The following MAP4 variants were observed in gnomAD, a reference collection of about 807,000 sequenced individuals.
The protein encoded by MAP4 is microtubule-associated protein 4.
In MAP4, 76 loss-of-function variants were observed where a neutral mutation model predicts 170.2. The ratio of observed to expected loss-of-function variants is 0.45; its 90% CI spans 0.37 to 0.54. The LOEUF is 0.54. Ranked by LOEUF, MAP4 falls within the 20% of genes least tolerant of loss-of-function variation. The pLI is 0.00. For synonymous variants in MAP4, 909 were observed against 994.5 expected, an observed-to-expected ratio of 0.91 and a Z score of 1.62; for missense variants, 2,506 against 2,748.0, an observed-to-expected ratio of 0.91 and a Z score of 1.97.
rs377631404 is a variant in MAP4, at chr3:47,998,642, A to C, written c.219T>G (p.Ile73Met). The C allele has an allele frequency of 2.4e-5, 39 of 1,612,844 alleles. No homozygotes were observed. Among genetic ancestry groups the C allele is most frequent in the Non-Finnish European group, 2.2e-5 (26 of 1,179,024 alleles). ...CAGTCTGGTTTAAATACTTACCTTC[A>C]ATCTGGCTAGTTTCTGAGCACGGTT... ...KKKPCSETSQ[I>M]EDTPSSKPTL... Residue 73 changes from isoleucine (I) to methionine (M), a missense_variant, in exon 2 of 21, where the codon ATT (isoleucine) becomes ATG (methionine). By Grantham distance (10) the Ile-to-Met change is conservative (BLOSUM62 1). Transcript: ENST00000683076.
chr3:48,004,063 T>C (rs1472696093), intron 1 of MAP4, among the ~76,000 whole-genome samples: 1 of 152,158 alleles, frequency 6.6e-6, no homozygotes, highest in Non-Finnish European at 1.5e-5. Flanking sequence ...CTTACTAAAT[T>C]CCTCTTTTTA....
chr3:47,967,647 T>C (rs1366331638), intron 3 of MAP4, among the ~76,000 whole-genome samples: 2 of 151,676 alleles, frequency 1.3e-5, no homozygotes, highest in South Asian at 4.2e-4. Flanking sequence ...GCAAGACTCC[T>C]TCTCAAAAAT....
intron 3 of MAP4, among the ~76,000 whole-genome samples, chr3:47,968,763 C>T (rs1224112051): frequency 6.6e-6 from 1 of 151,732 alleles, no homozygotes; most frequent in Non-Finnish European, 1.5e-5. Flanking sequence ...ATAAAGGAAA[C>T]AGAGGAGAGA....
intron 1 of MAP4, among the ~76,000 whole-genome samples, chr3:48,085,002 A>G (rs1284163948): frequency 6.6e-6 from 1 of 151,936 alleles, no homozygotes; most frequent in Admixed American, 6.6e-5. Context: ...AGTCTACAAT[A>G]ACCTGGTTCT....
intron 17 of MAP4, among the ~76,000 whole-genome samples, chr3:47,863,549 A>G (rs904376529): frequency 6.6e-6 from 1 of 151,792 alleles, no homozygotes; most frequent in East Asian, 1.9e-4. Context: ...TCACGGCATC[A>G]CACACCTTGC....
At chr3:48,055,301 C>A (rs913122876) in intron 1 of MAP4, among the ~76,000 whole-genome samples, 6 of 152,320 alleles carry the variant, frequency 3.9e-5, no homozygotes, top group Admixed American at 3.9e-4. Context: ...TCTCGGCTCA[C>A]TGCAACCTCC....
At chr3:48,040,783 G>T (rs1313151506) in intron 1 of MAP4, among the ~76,000 whole-genome samples, 1 of 151,950 alleles carries the variant, frequency 6.6e-6, no homozygotes, top group African/African-American at 2.4e-5. Context: ...GGCTGGTCTT[G>T]AACTGCTGAC....
chr3:48,033,571 T>C (rs1251831855), intron 1 of MAP4, among the ~76,000 whole-genome samples: 1 of 152,164 alleles, frequency 6.6e-6, no homozygotes, highest in African/African-American at 2.4e-5. Flanking sequence ...TCTCTCCAGT[T>C]TCAAACTGTC....
At chr3:47,931,311 G>A (rs1355408593) in intron 3 of MAP4, among the ~76,000 whole-genome samples, 3 of 152,076 alleles carry the variant, frequency 2.0e-5, no homozygotes, top group African/African-American at 7.2e-5. Context: ...AGCCTGGGAA[G>A]TCGAGGCTGC....
At chr3:48,050,902 T>C (rs1162662878) in intron 1 of MAP4, among the ~76,000 whole-genome samples, 4 of 141,328 alleles carry the variant, frequency 2.8e-5, no homozygotes, top group Admixed American at 7.2e-5. Context: ...TGAAACTCCA[T>C]CTCAAAAAAA....
intron 1 of MAP4, among the ~76,000 whole-genome samples, chr3:48,043,520 T>G (rs572151186): frequency 6.6e-6 from 1 of 152,344 alleles, no homozygotes; most frequent in African/African-American, 2.4e-5. Context: ...AGATTATTCT[T>G]AATACTAGCT....
At chr3:48,030,334 C>A in intron 1 of MAP4, among the ~76,000 whole-genome samples, 1 of 151,944 alleles carries the variant, frequency 6.6e-6, no homozygotes, top group East Asian at 1.9e-4. Context: ...GCATACCTCA[C>A]ACCCAGATGC....
chr3:47,945,182 T>C (rs192231086), intron 3 of MAP4, among the ~76,000 whole-genome samples: 180 of 151,806 alleles, frequency 1.2e-3, no homozygotes, highest in African/African-American at 4.2e-3. Flanking sequence ...GTGAAACCCC[T>C]CTCTACTAAA....
rs577026112 is a variant in MAP4, at chr3:47,852,541, A to G, written c.*393T>C. ...TCTTTTGGGTTTGGACCAAAGAACC[A>G]AAAAAAGATGAGGATAGAATCTGGT... On this transcript the variant is annotated 3_prime_UTR_variant, in exon 21 of 21. Coordinates refer to ENST00000683076, the MANE Select transcript of MAP4 (RefSeq NM_001385682.1). 78 of 501,790 alleles carry G rather than the reference A, an allele frequency of 1.6e-4. No individual in the cohort carries two copies. In the East Asian group the frequency reaches 2.3e-3, roughly 15 times the overall value. The allele number at this position is 501,790 out of a possible 1,614,324, so 31.1% of individuals were successfully genotyped here. A position where few individuals can be genotyped will look rare whatever the true frequency, so the allele number is the denominator to read the frequency against.
intron 5 of MAP4, 134 bp from the exon 6 acceptor site, chr3:47,918,975 CAG>C (rs1559463809): frequency 3.2e-6 from 2 of 631,354 alleles, no homozygotes; most frequent in Non-Finnish European, 5.2e-6. Context: ...GTTGCCCACG[CAG>C]ACAGAGTGAA....
intron 3 of MAP4, among the ~76,000 whole-genome samples, chr3:47,966,507 A>C (rs2100075138): frequency 1.3e-5 from 2 of 151,832 alleles, no homozygotes; most frequent in Non-Finnish European, 2.9e-5. Flanking sequence ...TGGGACTCCC[A>C]AAGTGTTGGG....
rs764219971 is a variant in MAP4 at position 47,857,423 on chromosome 3, C to A, written c.6583+8G>T. 2 of 1,613,154 alleles carry A rather than the reference C, an allele frequency of 1.2e-6. No homozygotes were observed. The highest frequency in any genetic ancestry group is 1.7e-6 in the Non-Finnish European group (2 of 1,179,160). ...GGAGACCCAGTGGGCAAGGGAGGCA[C>A]CACTCACCAGGCTTGTGCTTGATGT... On this transcript the variant is annotated splice_region_variant and intron_variant, in intron 18 of 20. Transcript: ENST00000683076.
intron 3 of MAP4, among the ~76,000 whole-genome samples, chr3:47,934,199 C>T (rs1380233735): frequency 6.6e-6 from 1 of 152,112 alleles, no homozygotes; most frequent in Non-Finnish European, 1.5e-5. Flanking sequence ...TCAACAGCAC[C>T]ACAACATATT....
chr3:47,998,699 A>G lies in MAP4; in HGVS notation c.162T>C (p.Asp54=). ...TTGACTCTGAGTTCCCGGTTTTCTCATCAACATCCAGGAGAGGAATATAGT... is the reference window on the plus strand; with the variant it reads ...TTGACTCTGAGTTCCCGGTTTTCTCGTCAACATCCAGGAGAGGAATATAGT... ...KTDYIPLLDV[D]EKTGNSESKK... Residue 54 remains aspartate (D), a synonymous_variant, in exon 2 of 21, where the codon GAT becomes GAC. Transcript: ENST00000683076. 1 of 1,614,114 alleles carries G rather than the reference A, an allele frequency of 6.2e-7. No homozygotes were observed. The highest frequency in any genetic ancestry group is 1.7e-5 in the Admixed American group (1 of 60,016).
Sources: gnomAD v4.1 joint callset for allele counts (sites outside exome capture counted in the v4.1 genomes callset) on GRCh38, gnomAD v4.1.1 for gene constraint, MANE v1.5 for transcripts, NCBI Gene and HGNC (gene_info 2026-07-23, HGNC 2026-07-21) for gene names.